Variants in SLC12A2 observed in about 807,000 individuals in gnomAD.
SLC12A2 encodes Na-K-2Cl cotransporter 1.
Under a neutral mutation model 136.3 loss-of-function variants are expected in SLC12A2, and 67 were observed. The ratio of observed to expected loss-of-function variants is 0.49; its 90% CI spans 0.40 to 0.60. The LOEUF is 0.60. Ranked by LOEUF, SLC12A2 falls within the 20% of genes least tolerant of loss-of-function variation. SLC12A2 has a pLI of 0.00. For synonymous variants in SLC12A2, 619 were observed against 562.9 expected (o/e 1.10, Z -1.41); for missense variants, 1,322 against 1,534.7 (o/e 0.86, Z 2.32).
At chr5:128,114,156 TATA>T in intron 2 of SLC12A2, 53 bp from the exon 3 acceptor site, 1 of 1,252,388 alleles carries the variant, frequency 8.0e-7, no homozygotes, top group Non-Finnish European at 1.2e-6. Context: ...ATGCTTACTA[TATA>T]ATGTTTGATT....
chr5:128,104,054 C>G (rs1186257889), intron 1 of SLC12A2, among the ~76,000 whole-genome samples: 1 of 152,096 alleles, frequency 6.6e-6, no homozygotes, highest in Non-Finnish European at 1.5e-5. Flanking sequence ...CATTATTTTT[C>G]AAGGCTTCCT....
At chr5:128,177,722 C>G (rs1319807877) in intron 21 of SLC12A2, 2 of 152,234 alleles carry the variant, frequency 1.3e-5, no homozygotes, top group African/African-American at 4.8e-5. Context: ...TATATCACAG[C>G]AGCATGAAAA....
At chr5:128,163,217 C>T (rs1382919979) in intron 17 of SLC12A2, among the ~76,000 whole-genome samples, 1 of 152,052 alleles carries the variant, frequency 6.6e-6, no homozygotes, top group Non-Finnish European at 1.5e-5. Flanking sequence ...GGAACTTTTG[C>T]ACGTGTGAAG....
At position 128,134,312 on chromosome 5, in the gene SLC12A2, C is replaced by T. The variant is rs536652931; in HGVS notation, c.1299+37C>T. On this transcript the variant is annotated intron_variant, in intron 6 of 26. Coordinates refer to ENST00000262461, the MANE Select transcript of SLC12A2 (RefSeq NM_001046.3). Reference sequence around the variant, plus strand: ...TAGGAACACCTGTAAATATTTAATACGTAAACTTTTAGAGCTTATGTTTTG... The same window carrying T: ...TAGGAACACCTGTAAATATTTAATATGTAAACTTTTAGAGCTTATGTTTTG... 69 of 1,044,864 alleles carry T rather than the reference C, an allele frequency of 6.6e-5. 1 individual carries two copies. The South Asian group carries it at 7.3e-4, about 11-fold the overall frequency. The allele number at this position is 1,044,864 out of a possible 1,614,324, so 64.7% of individuals were successfully genotyped here.
At chr5:128,160,204 C>T in intron 16 of SLC12A2, among the ~76,000 whole-genome samples, 1 of 151,670 alleles carries the variant, frequency 6.6e-6, no homozygotes, top group Admixed American at 6.6e-5. Flanking sequence ...CACACGGACA[C>T]AGGGAGGGGA....
At chr5:128,140,033 C>CT (rs1762311726) in intron 9 of SLC12A2, among the ~76,000 whole-genome samples, 2 of 152,196 alleles carry the variant, frequency 1.3e-5, no homozygotes, top group Admixed American at 1.3e-4. Context: ...GAGTCTCACT[C>CT]TGTTTCCCAG....
intron 4 of SLC12A2, among the ~76,000 whole-genome samples, chr5:128,125,582 G>A (rs550003416): frequency 3.3e-5 from 5 of 151,940 alleles, no homozygotes; most frequent in Admixed American, 2.6e-4. Context: ...GTGTGTATTT[G>A]TTCTCAGTCT....
chr5:128,185,097 T>A lies in SLC12A2; in HGVS notation c.3503+241T>A, dbSNP rs183476350. Among the ~76,000 whole-genome samples the A allele has an allele frequency of 1.7e-3, 260 of 152,330 alleles. 2 individuals carry two copies. Among genetic ancestry groups the A allele is most frequent in the Middle Eastern group, 3.4e-3 (1 of 294 alleles). ...TCATAGTAGGTTATATTGGAACCTT[T>A]TGTTTACCCTTCTTCTCACCTTTTT... On this transcript the variant is annotated intron_variant, in intron 26 of 26. Coordinates refer to ENST00000262461, the MANE Select transcript of SLC12A2 (RefSeq NM_001046.3).
intron 4 of SLC12A2, among the ~76,000 whole-genome samples, chr5:128,122,418 GC>G (rs1761617142): frequency 6.6e-6 from 1 of 152,122 alleles, no homozygotes; most frequent in African/African-American, 2.4e-5. Context: ...AGAACTAACT[GC>G]TAGGCATGAT....
At position 128,112,893 on chromosome 5, in the gene SLC12A2, G is replaced by C. The variant is rs765135160; in HGVS notation, c.836G>C (p.Ser279Thr). The C allele has an allele frequency of 3.1e-6, 5 of 1,613,250 alleles. No individual in the cohort carries two copies. The Admixed American group carries it at 8.3e-5, about 27-fold the overall frequency. ...RDAVVTYTAE[S>T]KGVVKFGWIK... is the part of the protein sequence containing the mutation. The stretch of plus-strand genomic sequence containing the variant: ...GCTGTGGTCACGTATACTGCAGAAA[G>C]TAAAGGAGTCGTGAAGTTTGGCTGG... Residue 279 changes from serine to threonine, a missense_variant, in exon 2 of 27, where the codon AGT (serine) becomes ACT (threonine). Physicochemically the swap from Ser to Thr is moderately conservative, Grantham distance 58 (BLOSUM62 1). Transcript: ENST00000262461.
chr5:128,154,972 G>GTT (rs1167845927), intron 15 of SLC12A2, among the ~76,000 whole-genome samples: 33 of 145,984 alleles, frequency 2.3e-4, no homozygotes, highest in African/African-American at 7.0e-4. Flanking sequence ...GCATTTTACA[G>GTT]TTTTTTTTTT....
At chr5:128,117,781 G>C (rs1480034692) in intron 4 of SLC12A2, among the ~76,000 whole-genome samples, 1 of 152,112 alleles carries the variant, frequency 6.6e-6, no homozygotes, top group Non-Finnish European at 1.5e-5. Context: ...AGAGTAAACA[G>C]ACAACCCACA....
At chr5:128,181,053 A>T (rs996408190) in intron 23 of SLC12A2, 59 bp downstream of exon 23, 3 of 995,596 alleles carry the variant, frequency 3.0e-6, no homozygotes, top group Non-Finnish European at 4.7e-6. Flanking sequence ...CTACAGTATA[A>T]ATTTGATAGG....
chr5:128,102,467 T>G (rs951646423), intron 1 of SLC12A2, among the ~76,000 whole-genome samples: 4 of 151,968 alleles, frequency 2.6e-5, no homozygotes, highest in African/African-American at 9.7e-5. Context: ...TATTAGTCAG[T>G]TTTTCCTGCT....
chr5:128,141,776 C>T, intron 9 of SLC12A2, 54 bp from the exon 10 acceptor site: 1 of 1,481,622 alleles, frequency 6.7e-7, no homozygotes, highest in South Asian at 1.3e-5. Context: ...ATATAAAATT[C>T]TGAAATGAAT....
At chr5:128,163,032 G>A (rs1468583163) in intron 17 of SLC12A2, among the ~76,000 whole-genome samples, 1 of 152,042 alleles carries the variant, frequency 6.6e-6, no homozygotes, top group Non-Finnish European at 1.5e-5. Context: ...GTGTGGCCCA[G>A]AGAAGCCAAA....
chr5:128,186,447 A>G (rs750974648), intron 26 of SLC12A2, 49 bp from the exon 27 acceptor site: 1 of 1,542,458 alleles, frequency 6.5e-7, no homozygotes, highest in Non-Finnish European at 8.7e-7. Flanking sequence ...TATTCTGTAA[A>G]TGCATTGCTC....
At position 128,138,691 on chromosome 5, in the gene SLC12A2, T is replaced by C. The variant is rs533525602; in HGVS notation, c.1503T>C (p.Ile501=). ...FAIFFPAATG[I]LAGANISGDL... ...TCTTTTTTCCTGCTGCAACTGGTAT[T>C]CTGGCTGGAGCAAATATCTCAGGTG... Residue 501 remains isoleucine, a synonymous_variant, in exon 8 of 27, where the codon ATT becomes ATC. Coordinates refer to ENST00000262461, the MANE Select transcript of SLC12A2 (RefSeq NM_001046.3). 8.7e-6 allele frequency: 14 copies of C among 1,613,884 alleles called. No individual in the cohort carries two copies. The South Asian group carries it at 1.3e-4, about 15-fold the overall frequency.
rs186824432 is a variant in SLC12A2, at chr5:128,104,121, T to C, written c.757-8693T>C. ...GTCTAGAGGTTGCAGTGGGAAAGTA[T>C]CTAAGGGAAGAGAAAACCTAGTTTG... On this transcript the variant is annotated intron_variant, in intron 1 of 26. Coordinates refer to ENST00000262461, the MANE Select transcript of SLC12A2 (RefSeq NM_001046.3). Among the ~76,000 whole-genome samples, 47 of 152,218 alleles carry C rather than the reference T, an allele frequency of 3.1e-4. No homozygotes were observed. The East Asian group carries it at 9.1e-3, about 29-fold the overall frequency.
Sources: allele counts gnomAD v4.1 joint callset (sites outside exome capture counted in the v4.1 genomes callset), GRCh38; gene constraint gnomAD v4.1.1; transcripts MANE v1.5; gene names NCBI Gene and HGNC (gene_info 2026-07-23, HGNC 2026-07-21).